KCND2: variants seen among roughly 807,000 people sequenced by gnomAD.
KCND2 encodes the protein potassium voltage-gated channel subfamily D member 2.
Under a neutral mutation model 54.4 loss-of-function variants are expected in KCND2, and 16 were observed. The observed-to-expected ratio is 0.29, with a 90% CI of 0.20 to 0.45. The LOEUF is 0.45. Among genes scored for constraint, KCND2 ranks in the 20% least tolerant of loss-of-function variants. KCND2 has a pLI of 1.00. For missense variants in KCND2, 486 were observed against 824.2 expected (o/e 0.59, Z 5.02); for synonymous variants, 317 against 310.7 (o/e 1.02, Z -0.21).
At chr7:120,633,729 C>T (rs1411282608) in intron 1 of KCND2, among the ~76,000 whole-genome samples, 3 of 152,082 alleles carry the variant, frequency 2.0e-5, no homozygotes, top group Admixed American at 1.3e-4. Flanking sequence ...CCGTAGCCCA[C>T]GTTCTCAACC....
At chr7:120,665,326 G>T (rs774951218) in intron 1 of KCND2, among the ~76,000 whole-genome samples, 1 of 152,028 alleles carries the variant, frequency 6.6e-6, no homozygotes, top group Non-Finnish European at 1.5e-5. Context: ...AAATACACCA[G>T]ATATTTAAGT....
At chr7:120,307,939 C>T (rs1314994796) in intron 1 of KCND2, among the ~76,000 whole-genome samples, 1 of 151,950 alleles carries the variant, frequency 6.6e-6, no homozygotes, top group Non-Finnish European at 1.5e-5. Flanking sequence ...GATATTAAAC[C>T]CACTGAGATG....
At chr7:120,516,890 A>G (rs895351393) in intron 1 of KCND2, among the ~76,000 whole-genome samples, 6 of 152,150 alleles carry the variant, frequency 3.9e-5, no homozygotes, top group South Asian at 2.1e-4. Flanking sequence ...ATTAATGTGA[A>G]CAGGCTCTAG....
intron 1 of KCND2, among the ~76,000 whole-genome samples, chr7:120,297,556 C>T (rs1473290665): frequency 6.6e-6 from 1 of 152,034 alleles, no homozygotes; most frequent in Non-Finnish European, 1.5e-5. Flanking sequence ...CCTATTTTTC[C>T]TCTGAGCAGA....
At chr7:120,593,188 T>C (rs763229068) in intron 1 of KCND2, among the ~76,000 whole-genome samples, 9 of 152,160 alleles carry the variant, frequency 5.9e-5, no homozygotes, top group Admixed American at 5.9e-4. Flanking sequence ...TTTGTACCTA[T>C]CAAATATTCT....
intron 1 of KCND2, among the ~76,000 whole-genome samples, chr7:120,570,416 TAA>T (rs80129346): frequency 1.3e-3 from 176 of 136,074 alleles, no homozygotes; most frequent in Admixed American, 4.0e-3. Context: ...TATAAAAAGT[TAA>T]AAAAAAAAAA....
At position 120,301,082 on chromosome 7, in the gene KCND2, A is replaced by G. The variant is rs140586287; in HGVS notation, c.1115+25335A>G. Among the ~76,000 whole-genome samples, 69 of 152,260 alleles carry G rather than the reference A, an allele frequency of 4.5e-4. 1 individual carries two copies. Among genetic ancestry groups the G allele is most frequent in the African/African-American group, 1.6e-3 (66 of 41,566 alleles). ...TGTAGAAATATCTCCATTTTTCTTG[A>G]TGAATTATATACAACAATAAAACAA... On this transcript the variant is annotated intron_variant, in intron 1 of 5. Coordinates refer to ENST00000331113, the MANE Select transcript of KCND2 (RefSeq NM_012281.3).
chr7:120,570,000 A>G (rs574708873), intron 1 of KCND2, among the ~76,000 whole-genome samples: 151 of 152,294 alleles, frequency 9.9e-4, no homozygotes, highest in African/African-American at 3.4e-3. Flanking sequence ...CACTCCAAGC[A>G]GTGTTAGGTA....
chr7:120,730,891 A>G (rs1792798027), intron 1 of KCND2, among the ~76,000 whole-genome samples: 1 of 152,184 alleles, frequency 6.6e-6, no homozygotes. Context: ...TCAAGATACA[A>G]TATAACCCCA....
At chr7:120,466,406 T>A (rs556462056) in intron 1 of KCND2, among the ~76,000 whole-genome samples, 1 of 152,268 alleles carries the variant, frequency 6.6e-6, no homozygotes, top group East Asian at 1.9e-4. Context: ...AGTGATAGCA[T>A]AGCCAATGAT....
Position 120,732,887 on chromosome 7 carries a change from T to A in KCND2, c.1116-16T>A, listed in dbSNP as rs192275893. 4.0e-3 allele frequency: 6,453 copies of A among 1,603,454 alleles called. 22 individuals carry two copies. Among genetic ancestry groups the A allele is most frequent in the Non-Finnish European group, 4.4e-3 (5,148 of 1,170,728 alleles). ...GTGACTTAAAACAATATATATATAT[T>A]TTTTCTTTAACTCAGGTATGGTGAC... is the stretch of plus-strand genomic sequence containing the variant. On this transcript the variant is annotated splice_polypyrimidine_tract_variant and intron_variant, in intron 1 of 5. Transcript: ENST00000331113.
intron 1 of KCND2, among the ~76,000 whole-genome samples, chr7:120,620,098 T>G (rs1430205382): frequency 6.6e-6 from 1 of 152,212 alleles, no homozygotes; most frequent in Non-Finnish European, 1.5e-5. Context: ...TGCTTAAGAA[T>G]AATTTTGTAA....
intron 1 of KCND2, among the ~76,000 whole-genome samples, chr7:120,714,791 C>T (rs960585245): frequency 1.3e-5 from 2 of 151,868 alleles, no homozygotes; most frequent in Admixed American, 6.6e-5. Context: ...ACAAGTGCCT[C>T]CACATAAACC....
At chr7:120,731,805 A>C (rs1328524757) in intron 1 of KCND2, among the ~76,000 whole-genome samples, 1 of 152,200 alleles carries the variant, frequency 6.6e-6, no homozygotes, top group Non-Finnish European at 1.5e-5. Flanking sequence ...CAACAAGACC[A>C]GCTAAGAGAT....
At chr7:120,315,543 T>C (rs1584726464) in intron 1 of KCND2, among the ~76,000 whole-genome samples, 1 of 152,070 alleles carries the variant, frequency 6.6e-6, no homozygotes, top group East Asian at 1.9e-4. Flanking sequence ...GTGTCGATTA[T>C]TTTGCCAGAT....
chr7:120,406,719 C>A (rs991708816), intron 1 of KCND2, among the ~76,000 whole-genome samples: 1 of 151,882 alleles, frequency 6.6e-6, no homozygotes, highest in Non-Finnish European at 1.5e-5. Flanking sequence ...AGAATGGAAA[C>A]AGGGCAGGAA....
At chr7:120,316,698 G>A (rs1238903860) in intron 1 of KCND2, among the ~76,000 whole-genome samples, 1 of 152,072 alleles carries the variant, frequency 6.6e-6, no homozygotes. Flanking sequence ...ACTAAACTAA[G>A]CCTTTAAAAC....
At chr7:120,461,642 G>A (rs1327725884) in intron 1 of KCND2, among the ~76,000 whole-genome samples, 3 of 152,136 alleles carry the variant, frequency 2.0e-5, no homozygotes, top group African/African-American at 7.2e-5. Context: ...AACTGTCAGG[G>A]TTTTCTAAGA....
chr7:120,278,038 T>C (rs1799204685), intron 1 of KCND2, among the ~76,000 whole-genome samples: 1 of 151,998 alleles, frequency 6.6e-6, no homozygotes, highest in South Asian at 2.1e-4. Context: ...CCTGATGGAA[T>C]AGAGCAGTCA....
Sources: gnomAD v4.1 joint callset for allele counts (sites outside exome capture counted in the v4.1 genomes callset) on GRCh38, gnomAD v4.1.1 for gene constraint, MANE v1.5 for transcripts, NCBI Gene and HGNC (gene_info 2026-07-23, HGNC 2026-07-21) for gene names.